The following CLCN3 variants were observed in gnomAD, a reference collection of about 807,000 sequenced individuals.
The protein encoded by CLCN3 is H(+)/Cl(-) exchange transporter 3.
CLCN3 carries 16 observed loss-of-function variants against 83.4 expected under a neutral mutation model. That is an observed-to-expected ratio of 0.19 (90% confidence interval 0.13 to 0.29). The LOEUF is 0.29. Among genes scored for constraint, CLCN3 ranks in the 10% least tolerant of loss-of-function variants. The pLI is 1.00. For synonymous variants in CLCN3, 322 were observed against 346.2 expected, an observed-to-expected ratio of 0.93 and a Z score of 0.78; for missense variants, 544 against 1,006.0, an observed-to-expected ratio of 0.54 and a Z score of 6.21.
chr4:169,623,840 A>G (rs1042224632), intron 1 of CLCN3, among the ~76,000 whole-genome samples: 1 of 152,164 alleles, frequency 6.6e-6, no homozygotes, highest in Admixed American at 6.5e-5. Context: ...TGAAAATGAC[A>G]TAATTTTCTT....
chr4:169,678,337 C>T (rs562557048), intron 2 of CLCN3, among the ~76,000 whole-genome samples: 6 of 152,130 alleles, frequency 3.9e-5, no homozygotes, highest in Non-Finnish European at 8.8e-5. Flanking sequence ...AATCTTTTGG[C>T]CTTACTTCCA....
At chr4:169,707,487 G>A (rs1358795452) in intron 11 of CLCN3, among the ~76,000 whole-genome samples, 1 of 152,024 alleles carries the variant, frequency 6.6e-6, no homozygotes, top group African/African-American at 2.4e-5. Context: ...TTTTGATCTG[G>A]CATTGTACCA....
intron 2 of CLCN3, chr4:169,662,791 G>A (rs1731101475): frequency 6.6e-6 from 1 of 152,106 alleles, no homozygotes; most frequent in Admixed American, 6.6e-5. Context: ...ATTAGAATTA[G>A]TTTGATATAC....
rs1423765590 is a variant in CLCN3, at chr4:169,714,645, C to T, written c.2366+1350C>T. The stretch of plus-strand genomic sequence containing the variant: ...TTTGTGATTTCTTAAACTACTAAAA[C>T]ATTTTCTTGGCCAATATATTAGATT... On this transcript the variant is annotated intron_variant, in intron 12 of 12. Coordinates refer to ENST00000513761, the MANE Select transcript of CLCN3 (RefSeq NM_001829.4). Among the ~76,000 whole-genome samples the T allele has an allele frequency of 2.0e-5, 3 of 152,034 alleles. No homozygotes were observed. The East Asian group carries it at 5.8e-4, about 29-fold the overall frequency.
At chr4:169,685,530 C>T (rs1206034725) in intron 3 of CLCN3, among the ~76,000 whole-genome samples, 1 of 152,066 alleles carries the variant, frequency 6.6e-6, no homozygotes, top group Non-Finnish European at 1.5e-5. Flanking sequence ...CTAAATATAT[C>T]TCATTCTTTT....
At chr4:169,673,542 T>C (rs1400509966) in intron 2 of CLCN3, among the ~76,000 whole-genome samples, 1 of 152,148 alleles carries the variant, frequency 6.6e-6, no homozygotes, top group African/African-American at 2.4e-5. Context: ...TATGGATACA[T>C]GTTAAGTGGT....
chr4:169,631,518 G>A (rs1773370434), intron 1 of CLCN3, among the ~76,000 whole-genome samples: 1 of 152,068 alleles, frequency 6.6e-6, no homozygotes, highest in South Asian at 2.1e-4. Flanking sequence ...TTGATCTCCT[G>A]ACCTCGTGAT....
At chr4:169,650,619 C>T (rs1274773289) in intron 2 of CLCN3, among the ~76,000 whole-genome samples, 1 of 152,116 alleles carries the variant, frequency 6.6e-6, no homozygotes, top group Non-Finnish European at 1.5e-5. Context: ...TCACTGCTAC[C>T]ATTTAATGTC....
At position 169,707,266 on chromosome 4, in the gene CLCN3, G is replaced by A; in HGVS notation, c.2149G>A (p.Glu717Lys). Residue 717 changes from glutamate to lysine, a missense_variant and splice_region_variant, in exon 11 of 13, where the codon GAA becomes AAA. By Grantham distance (56) the Glu-to-Lys change is moderately conservative. Transcript: ENST00000513761. ...ALRRDLTIAI[E>K]SARKKQEGIV... ...CAGAAGAGACCTGACAATTGCAATA[G>A]GTACCCTTTCAAAAATATATATATG... The A allele has an allele frequency of 6.3e-7, 1 of 1,583,472 alleles. No individual in the cohort carries two copies. The highest frequency in any genetic ancestry group is 8.6e-7 in the Non-Finnish European group (1 of 1,167,294).
rs142630302 is a variant in CLCN3, at chr4:169,709,143, A to G, written c.2149+1877A>G. Among the ~76,000 whole-genome samples, 674 of 148,954 alleles carry G rather than the reference A, an allele frequency of 4.5e-3. 3 individuals carry two copies. Among genetic ancestry groups the G allele is most frequent in the African/African-American group, 0.015 (621 of 40,986 alleles). On this transcript the variant is annotated intron_variant, in intron 11 of 12. Coordinates refer to ENST00000513761, the MANE Select transcript of CLCN3 (RefSeq NM_001829.4). ...ACCTAGTGTACAGATCTGTATATAAATTAAAAATGTATGTGTTATATATAG... is the reference window on the plus strand; with the variant it reads ...ACCTAGTGTACAGATCTGTATATAAGTTAAAAATGTATGTGTTATATATAG...
intron 2 of CLCN3, chr4:169,663,506 C>CA (rs1435079022): frequency 1.0e-5 from 3 of 287,362 alleles, no homozygotes; most frequent in African/African-American, 2.4e-5. Context: ...ATTTAAAAAA[C>CA]AAAATTTTTT....
Position 169,704,886 on chromosome 4 carries a change from T to C in CLCN3, c.1750+702T>C, listed in dbSNP as rs573362144. On this transcript the variant is annotated intron_variant, in intron 10 of 12. Transcript: ENST00000513761. Reference sequence around the variant, plus strand: ...TTATGTGATTATTGATCTTTAAAAATGTAATATCAATTAAAAGGAAAGGAC... The same window carrying C: ...TTATGTGATTATTGATCTTTAAAAACGTAATATCAATTAAAAGGAAAGGAC... 7.2e-5 allele frequency among the ~76,000 whole-genome samples: 11 copies of C among 152,310 alleles called. No individual in the cohort carries two copies. The East Asian group carries it at 2.1e-3, about 29-fold the overall frequency.
In CLCN3 at chr4:169,693,285, A is replaced by G. The variant is rs538585425; in HGVS notation, c.936+965A>G. 5.3e-5 allele frequency among the ~76,000 whole-genome samples: 8 copies of G among 152,330 alleles called. No individual in the cohort carries two copies. The East Asian group carries it at 1.5e-3, about 29-fold the overall frequency. ...ATATCCCAAAAGTGGAATACTTCAG[A>G]TTGTCGTAGTTTCATCTCTGAATAA... On this transcript the variant is annotated intron_variant, in intron 7 of 12. Transcript: ENST00000513761.
At chr4:169,715,372 T>C (rs1560877336) in intron 12 of CLCN3, among the ~76,000 whole-genome samples, 1 of 152,172 alleles carries the variant, frequency 6.6e-6, no homozygotes, top group Non-Finnish European at 1.5e-5. Context: ...TTTCATCATA[T>C]TTTCCTTATT....
chr4:169,658,424 G>A (rs1382531734), intron 2 of CLCN3, among the ~76,000 whole-genome samples: 1 of 151,920 alleles, frequency 6.6e-6, no homozygotes, highest in Non-Finnish European at 1.5e-5. Flanking sequence ...AGTTAAGAGA[G>A]TGCCTACAAA....
intron 2 of CLCN3, among the ~76,000 whole-genome samples, chr4:169,679,751 G>A (rs1194222510): frequency 1.3e-5 from 2 of 152,194 alleles, no homozygotes; most frequent in East Asian, 3.9e-4. Context: ...TCAGTCAGGC[G>A]TGGCGGCGCG....
rs1733643775 is a variant in CLCN3 at position 169,721,651 on chromosome 4, G to A, written c.*1654G>A. On this transcript the variant is annotated 3_prime_UTR_variant, in exon 13 of 13. Coordinates refer to ENST00000513761, the MANE Select transcript of CLCN3 (RefSeq NM_001829.4). ...GTTACGTCCATATTTGAAGTGGTCA[G>A]TGATGGTTTGAACATTTTTTGCAGG... is the stretch of plus-strand genomic sequence containing the variant. The A allele has an allele frequency of 6.6e-6, 1 of 152,202 alleles. No homozygotes were observed. Among genetic ancestry groups the A allele is most frequent in the Non-Finnish European group, 1.5e-5 (1 of 68,044 alleles). 9.4% of individuals were successfully genotyped at this position (152,202 alleles called of 1,614,324 possible). A position where few individuals can be genotyped will look rare whatever the true frequency, so the allele number is the denominator to read the frequency against.
chr4:169,656,589 G>A (rs1055596619), intron 2 of CLCN3, among the ~76,000 whole-genome samples: 12 of 152,110 alleles, frequency 7.9e-5, no homozygotes. Context: ...CCATACTGAT[G>A]GATTGTAAAC....
chr4:169,650,662 A>G (rs1325794577), intron 2 of CLCN3, among the ~76,000 whole-genome samples: 1 of 152,216 alleles, frequency 6.6e-6, no homozygotes, highest in Non-Finnish European at 1.5e-5. Flanking sequence ...GCTCTTTTAA[A>G]TGCTCTACTC....
Sources: allele counts gnomAD v4.1 joint callset (sites outside exome capture counted in the v4.1 genomes callset), GRCh38; gene constraint gnomAD v4.1.1; transcripts MANE v1.5; gene names NCBI Gene and HGNC (gene_info 2026-07-23, HGNC 2026-07-21).